NAT1: variants seen among roughly 807,000 people sequenced by gnomAD.
NAT1 encodes arylamine N-acetyltransferase 1.
For missense variants in NAT1, 400 were observed against 339.2 expected, an observed-to-expected ratio of 1.18 and a Z score of -1.41; for synonymous variants, 144 against 122.6, an observed-to-expected ratio of 1.17 and a Z score of -1.16.
intron 2 of NAT1, among the ~76,000 whole-genome samples, chr8:18,176,604 T>C (rs1476536750): frequency 1.3e-5 from 1 of 78,730 alleles, no homozygotes; most frequent in African/African-American, 6.2e-5. Flanking sequence ...TTTTGTTTTG[T>C]TTTGTTTTTA....
Position 18,222,313 on chromosome 8 carries a change from T to A in NAT1, c.266T>A (p.Leu89Ter), listed in dbSNP as rs745561037. 1 of 1,614,096 alleles carries A rather than the reference T, an allele frequency of 6.2e-7. No individual in the cohort carries two copies. The highest frequency in any genetic ancestry group is 8.5e-7 in the Non-Finnish European group (1 of 1,179,992). ...LTTIGFETTM[L>*]GGYVYSTPAK... ...ACTATTGGTTTTGAGACCACGATGTTGGGAGGGTATGTTTACAGCACTCCA... is the reference window on the plus strand; with the variant it reads ...ACTATTGGTTTTGAGACCACGATGTAGGGAGGGTATGTTTACAGCACTCCA... The change falls in exon 3 of 3, where the codon TTG becomes TAG. Residue 89 changes from leucine (L) to a stop codon, truncating the protein, a stop_gained. Coordinates refer to ENST00000307719, the MANE Select transcript of NAT1 (RefSeq NM_000662.8). LOFTEE classifies it low-confidence loss of function (END_TRUNC).
Position 18,222,982 on chromosome 8 carries a change from CTATCATG to C in NAT1, c.*67_*73del. The C allele has an allele frequency of 7.1e-7, 1 of 1,403,736 alleles. No homozygotes were observed. The highest frequency in any genetic ancestry group is 9.5e-7 in the Non-Finnish European group (1 of 1,049,386). The allele number at this position is 1,403,736 out of a possible 1,614,324, so 87.0% of individuals were successfully genotyped here. A position where few individuals can be genotyped will look rare whatever the true frequency, so the allele number is the denominator to read the frequency against. On this transcript the variant is annotated 3_prime_UTR_variant, in exon 3 of 3. Coordinates refer to ENST00000307719, the MANE Select transcript of NAT1 (RefSeq NM_000662.8). Reference sequence around the variant, plus strand: ...AGCTCACCAGTTATCAACTGACGACCTATCATGTATCTTCTGTACCCTTACCTTATTT... The same window carrying C: ...AGCTCACCAGTTATCAACTGACGACCTATCTTCTGTACCCTTACCTTATTT...
chr8:18,202,838 G>A, intron 2 of NAT1, among the ~76,000 whole-genome samples: 1 of 152,184 alleles, frequency 6.6e-6, no homozygotes, highest in East Asian at 1.9e-4. Flanking sequence ...GGGGACCCCA[G>A]CAGGTTGCCA....
chr8:18,217,382 G>C (rs982548414), intron 1 of NAT1, among the ~76,000 whole-genome samples: 2 of 152,254 alleles, frequency 1.3e-5, no homozygotes, highest in Non-Finnish European at 2.9e-5. Flanking sequence ...TTTGTCTTCA[G>C]ACGCTTTGCG....
At chr8:18,208,918 G>A (rs187150858), upstream of NAT1, among the ~76,000 whole-genome samples, 12 of 152,342 alleles carry the variant, frequency 7.9e-5, no homozygotes, top group East Asian at 2.3e-3. Context: ...ACAAAGATTT[G>A]CATTCAGGTA....
intron 2 of NAT1, among the ~76,000 whole-genome samples, chr8:18,187,699 C>A (rs1802799186): frequency 6.6e-6 from 1 of 151,780 alleles, no homozygotes; most frequent in Admixed American, 6.6e-5. Flanking sequence ...CTGGGGCCTA[C>A]TTGAGGGTGG....
chr8:18,222,392 T>A lies in NAT1; in HGVS notation c.345T>A (p.Asp115Glu), dbSNP rs768399724. The A allele has an allele frequency of 1.9e-6, 3 of 1,614,130 alleles. No individual in the cohort carries two copies. The South Asian group carries it at 3.3e-5, about 18-fold the overall frequency. The stretch of plus-strand genomic sequence containing the variant: ...ACCTTCTCCTGCAGGTGACCATTGA[T>A]GGCAGGAACTACATTGTCGATGCTG... ...MIHLLLQVTI[D>E]GRNYIVDAGF... Residue 115 changes from aspartate (D) to glutamate (E), a missense_variant, in exon 3 of 3, where the codon GAT becomes GAA. Physicochemically the swap from Asp to Glu is conservative, Grantham distance 45. Transcript: ENST00000307719.
At chr8:18,191,372 T>C (rs1207610824) in intron 2 of NAT1, among the ~76,000 whole-genome samples, 1 of 152,206 alleles carries the variant, frequency 6.6e-6, no homozygotes, top group Non-Finnish European at 1.5e-5. Flanking sequence ...CTTTTATGTA[T>C]ACAAGCCTGT....
chr8:18,177,051 G>C (rs959631535), intron 2 of NAT1, among the ~76,000 whole-genome samples: 1 of 151,836 alleles, frequency 6.6e-6, no homozygotes, highest in Non-Finnish European at 1.5e-5. Flanking sequence ...ACTGATTTTT[G>C]CATGTTGATT....
chr8:18,191,630 G>T (rs564318927), intron 2 of NAT1, among the ~76,000 whole-genome samples: 79 of 152,198 alleles, frequency 5.2e-4, no homozygotes, highest in African/African-American at 1.8e-3. Context: ...CATGGTACTG[G>T]TACCAAAACA....
upstream of NAT1, among the ~76,000 whole-genome samples, chr8:18,206,616 TTTTGAGAAGTGTCTGTTCATGTCC>T (rs1353193346): frequency 2.6e-5 from 4 of 152,240 alleles, no homozygotes; most frequent in Admixed American, 6.5e-5. Flanking sequence ...AAATATCTTC[TTTTGAGAAGTGTCTGTTCATGTCC>T]TTTGCCCACT....
At chr8:18,171,421 C>G (rs2117188717) in intron 2 of NAT1, among the ~76,000 whole-genome samples, 1 of 152,250 alleles carries the variant, frequency 6.6e-6, no homozygotes, top group Non-Finnish European at 1.5e-5. Flanking sequence ...AAACAAAAAG[C>G]TTAAGCAACA....
chr8:18,199,277 G>A (rs972236017), intron 2 of NAT1, among the ~76,000 whole-genome samples: 1 of 145,030 alleles, frequency 6.9e-6, no homozygotes, highest in African/African-American at 2.6e-5. Context: ...CTGCAACACT[G>A]CACTCCAGCC....
chr8:18,214,649 A>C (rs1374330667), intron 1 of NAT1, among the ~76,000 whole-genome samples: 1 of 152,108 alleles, frequency 6.6e-6, no homozygotes, highest in African/African-American at 2.4e-5. Flanking sequence ...TTTTAGCTTC[A>C]ATTTCTTCAT....
intron 2 of NAT1, among the ~76,000 whole-genome samples, chr8:18,179,225 ATCCAG>A (rs1285566327): frequency 6.6e-6 from 1 of 152,140 alleles, no homozygotes; most frequent in African/African-American, 2.4e-5. Flanking sequence ...CGTTTGGCAC[ATCCAG>A]TTCCAGGACA....
intron 2 of NAT1, among the ~76,000 whole-genome samples, chr8:18,197,862 G>C (rs912802680): frequency 1.6e-4 from 25 of 152,028 alleles, no homozygotes; most frequent in African/African-American, 5.8e-4. Flanking sequence ...TCTGCTAGAG[G>C]GATGGGTTCT....
chr8:18,191,814 C>G (rs1037958743), intron 2 of NAT1, among the ~76,000 whole-genome samples: 1 of 150,736 alleles, frequency 6.6e-6, no homozygotes, highest in African/African-American at 2.4e-5. Flanking sequence ...GGATCCCTTC[C>G]TTACACCTTA....
intron 2 of NAT1, among the ~76,000 whole-genome samples, chr8:18,203,038 T>A (rs1803544453): frequency 6.6e-6 from 1 of 152,110 alleles, no homozygotes; most frequent in Non-Finnish European, 1.5e-5. Flanking sequence ...TTTTACAGAG[T>A]GCTGATTGGT....
At chr8:18,198,332 C>T (rs564961153) in intron 2 of NAT1, among the ~76,000 whole-genome samples, 94 of 152,310 alleles carry the variant, frequency 6.2e-4, no homozygotes, top group African/African-American at 2.2e-3. Context: ...ATTACCTACA[C>T]TTGTCCCTCA....
Sources: gnomAD v4.1 joint callset for allele counts (sites outside exome capture counted in the v4.1 genomes callset) on GRCh38, gnomAD v4.1.1 for gene constraint, MANE v1.5 for transcripts, NCBI Gene and HGNC (gene_info 2026-07-23, HGNC 2026-07-21) for gene names.